SUGCT: variants seen among roughly 807,000 people sequenced by gnomAD.
SUGCT encodes the protein succinyl-CoA:glutarate-CoA transferase, also known as succinyl-CoA:glutarate CoA-transferase.
Under a neutral mutation model 55.0 loss-of-function variants are expected in SUGCT, and 41 were observed. The observed-to-expected ratio is 0.74, with a 90% CI of 0.58 to 0.97. The LOEUF is 0.97. SUGCT is among the 50% of genes least tolerant of loss of function. SUGCT has a pLI of 0.00. For missense variants in SUGCT, 568 were observed against 547.8 expected, an observed-to-expected ratio of 1.04 and a Z score of -0.37; for synonymous variants, 187 against 200.4, an observed-to-expected ratio of 0.93 and a Z score of 0.56.
At chr7:40,248,658 C>T (rs1790077386) in intron 7 of SUGCT, among the ~76,000 whole-genome samples, 1 of 152,110 alleles carries the variant, frequency 6.6e-6, no homozygotes, top group Admixed American at 6.6e-5. Context: ...TGAGCCACCA[C>T]ATCTGGCCCC....
intron 8 of SUGCT, among the ~76,000 whole-genome samples, chr7:40,311,187 A>G (rs1795127353): frequency 6.6e-6 from 1 of 152,060 alleles, no homozygotes; most frequent in African/African-American, 2.4e-5. Flanking sequence ...TGCCCATACA[A>G]CCTTTCACAT....
At chr7:40,633,660 T>C (rs1799896063) in intron 12 of SUGCT, among the ~76,000 whole-genome samples, 1 of 152,158 alleles carries the variant, frequency 6.6e-6, no homozygotes, top group South Asian at 2.1e-4. Flanking sequence ...GTTTATGCAA[T>C]GAATCTCAAG....
chr7:40,817,765 G>C (rs1389062389), intron 13 of SUGCT, among the ~76,000 whole-genome samples: 2 of 152,082 alleles, frequency 1.3e-5, no homozygotes, highest in African/African-American at 4.8e-5. Context: ...ATTTTTAAGG[G>C]TTGAAATGAG....
chr7:40,926,978 C>A, the SUGCT span, among the ~76,000 whole-genome samples: 5 of 152,144 alleles, frequency 3.3e-5, no homozygotes, highest in African/African-American at 1.2e-4. Flanking sequence ...CTGAATGTTC[C>A]TGCTATCTCT....
the SUGCT span, among the ~76,000 whole-genome samples, chr7:40,924,303 T>C: frequency 1.3e-5 from 2 of 150,728 alleles, no homozygotes; most frequent in African/African-American, 4.9e-5. Flanking sequence ...TGTAGTGGCA[T>C]GATCTCAGTT....
chr7:40,941,874 T>C, the SUGCT span, among the ~76,000 whole-genome samples: 2 of 152,252 alleles, frequency 1.3e-5, no homozygotes, highest in South Asian at 2.1e-4. Context: ...TATCTGATAT[T>C]ATAATAGCTA....
At chr7:40,350,682 T>C (rs1280216621) in intron 9 of SUGCT, among the ~76,000 whole-genome samples, 2 of 152,102 alleles carry the variant, frequency 1.3e-5, no homozygotes, top group African/African-American at 4.8e-5. Context: ...GGGGTACATA[T>C]GCAGAATGTG....
chr7:40,989,052 C>T, the SUGCT span, among the ~76,000 whole-genome samples: 52 of 151,574 alleles, frequency 3.4e-4, no homozygotes, highest in Admixed American at 1.7e-3. Context: ...ATTAATTGTA[C>T]AATAGCATTA....
At chr7:40,645,165 G>A (rs1364080699) in intron 12 of SUGCT, among the ~76,000 whole-genome samples, 1 of 152,176 alleles carries the variant, frequency 6.6e-6, no homozygotes, top group Non-Finnish European at 1.5e-5. Flanking sequence ...GCTGGTGGCT[G>A]TTACATGGGC....
intron 12 of SUGCT, among the ~76,000 whole-genome samples, chr7:40,706,992 C>T (rs1468561880): frequency 6.6e-6 from 1 of 152,116 alleles, no homozygotes; most frequent in Non-Finnish European, 1.5e-5. Flanking sequence ...AGAGAACTAC[C>T]CACCCTCATT....
chr7:40,530,331 A>G (rs1044120206), intron 12 of SUGCT, among the ~76,000 whole-genome samples: 1 of 152,242 alleles, frequency 6.6e-6, no homozygotes, highest in Non-Finnish European at 1.5e-5. Flanking sequence ...TATTCTAAAC[A>G]TAATATATAG....
At chr7:40,394,554 GTTAA>G in intron 9 of SUGCT, among the ~76,000 whole-genome samples, 1 of 152,326 alleles carries the variant, frequency 6.6e-6, no homozygotes, top group Middle Eastern at 3.4e-3. Flanking sequence ...GCCAAGTCAA[GTTAA>G]TTAACCTATG....
At chr7:40,544,484 G>A (rs1219898823) in intron 12 of SUGCT, among the ~76,000 whole-genome samples, 3 of 152,160 alleles carry the variant, frequency 2.0e-5, no homozygotes, top group Admixed American at 6.5e-5. Flanking sequence ...CGAAGCTGAC[G>A]GTGGTGACAA....
At chr7:40,270,769 A>G (rs979582185) in intron 7 of SUGCT, among the ~76,000 whole-genome samples, 2 of 152,162 alleles carry the variant, frequency 1.3e-5, no homozygotes, top group African/African-American at 4.8e-5. Flanking sequence ...ATTGCCTTGA[A>G]TATGCAGAGG....
intron 13 of SUGCT, among the ~76,000 whole-genome samples, chr7:40,773,692 G>A (rs1308086339): frequency 6.6e-6 from 1 of 152,146 alleles, no homozygotes; most frequent in Non-Finnish European, 1.5e-5. Context: ...AGTTGAGTTT[G>A]TAGAATAGTT....
intron 12 of SUGCT, among the ~76,000 whole-genome samples, chr7:40,623,176 C>A (rs1019711325): frequency 1.3e-5 from 2 of 152,184 alleles, no homozygotes; most frequent in African/African-American, 2.4e-5. Flanking sequence ...ATCTCTCAGG[C>A]TTTTAACTCT....
intron 6 of SUGCT, among the ~76,000 whole-genome samples, chr7:40,234,445 T>C (rs891614875): frequency 6.6e-6 from 1 of 152,254 alleles, no homozygotes; most frequent in Non-Finnish European, 1.5e-5. Context: ...CTTGGCGTTA[T>C]TTCTGCACAG....
chr7:40,823,386 A>AT lies in SUGCT; in HGVS notation c.1154-36920dup, dbSNP rs201624198. On this transcript the variant is annotated intron_variant, in intron 13 of 13. Coordinates refer to ENST00000335693, the MANE Select transcript of SUGCT (RefSeq NM_001193313.2). ...ACATACATACACCAGAAGCACTGAG[A>AT]TTTTTTTTTTCATTTAAAAATAGAT... Among the ~76,000 whole-genome samples the AT allele has an allele frequency of 5.9e-3, 888 of 150,764 alleles. 5 individuals are homozygous for AT. The highest frequency in any genetic ancestry group is 0.02 in the African/African-American group (813 of 41,130).
At chr7:40,137,808 A>C (rs566282557) in intron 1 of SUGCT, among the ~76,000 whole-genome samples, 3 of 151,914 alleles carry the variant, frequency 2.0e-5, no homozygotes, top group Admixed American at 6.6e-5. Context: ...CAGCCTCCCA[A>C]GTAGCTGAAA....
Sources: allele counts gnomAD v4.1 joint callset (sites outside exome capture counted in the v4.1 genomes callset), GRCh38; gene constraint gnomAD v4.1.1; transcripts MANE v1.5; gene names NCBI Gene and HGNC (gene_info 2026-07-23, HGNC 2026-07-21).